EVI5: variants seen among roughly 807,000 people sequenced by gnomAD.
EVI5 encodes the protein ecotropic viral integration site 5 protein homolog.
Under a neutral mutation model 112.0 loss-of-function variants are expected in EVI5, and 73 were observed. The ratio of observed to expected loss-of-function variants is 0.65; its 90% CI spans 0.54 to 0.79. EVI5 has a LOEUF of 0.79. EVI5 is among the 30% of genes least tolerant of loss of function. EVI5 has a pLI of 0.00. For missense variants in EVI5, 900 were observed against 968.8 expected (o/e 0.93, Z 0.94); for synonymous variants, 305 against 319.9 (o/e 0.95, Z 0.50).
intron 18 of EVI5, among the ~76,000 whole-genome samples, chr1:92,595,797 C>T (rs750953431): frequency 3.3e-5 from 5 of 152,066 alleles, no homozygotes; most frequent in African/African-American, 4.8e-5. Flanking sequence ...TTGTCCCCAA[C>T]GCTAGGGGAA....
intron 13 of EVI5, among the ~76,000 whole-genome samples, chr1:92,649,596 G>A (rs1290452298): frequency 6.6e-6 from 1 of 152,066 alleles, no homozygotes; most frequent in Non-Finnish European, 1.5e-5. Context: ...CAGGCAGATC[G>A]CTTGAGTTCA....
intron 5 of EVI5, among the ~76,000 whole-genome samples, chr1:92,699,480 A>T (rs1426913910): frequency 6.6e-6 from 1 of 152,102 alleles, no homozygotes; most frequent in Non-Finnish European, 1.5e-5. Flanking sequence ...TCAACACTGA[A>T]ACCTGGCTCT....
chr1:92,518,310 A>G (rs1226524983), intron 19 of EVI5, among the ~76,000 whole-genome samples: 1 of 152,202 alleles, frequency 6.6e-6, no homozygotes, highest in Non-Finnish European at 1.5e-5. Context: ...CAGTAAAAAC[A>G]AAAAGTATTA....
intron 1 of EVI5, among the ~76,000 whole-genome samples, chr1:92,771,739 C>G (rs1683437940): frequency 6.6e-6 from 1 of 151,902 alleles, no homozygotes; most frequent in South Asian, 2.1e-4. Context: ...TCCCAAGTAG[C>G]TGGGATTACA....
chr1:92,783,795 C>A (rs1453776868), intron 1 of EVI5, among the ~76,000 whole-genome samples: 2 of 121,830 alleles, frequency 1.6e-5, no homozygotes, highest in Non-Finnish European at 3.2e-5. Flanking sequence ...GGCGACAGAG[C>A]GAGACTCCCT....
chr1:92,617,370 A>T (rs894932766), intron 16 of EVI5, among the ~76,000 whole-genome samples: 5 of 148,560 alleles, frequency 3.4e-5, no homozygotes, highest in Non-Finnish European at 7.6e-5. Flanking sequence ...AGAAATTTGG[A>T]GAAGAGGTAT....
chr1:92,678,980 C>T (rs1667180597), intron 9 of EVI5, among the ~76,000 whole-genome samples: 1 of 152,070 alleles, frequency 6.6e-6, no homozygotes, highest in South Asian at 2.1e-4. Context: ...CAGCAGTCCC[C>T]AACCCCTGGG....
intron 19 of EVI5, among the ~76,000 whole-genome samples, chr1:92,520,154 C>A (rs1660656246): frequency 6.6e-6 from 1 of 152,058 alleles, no homozygotes; most frequent in African/African-American, 2.4e-5. Flanking sequence ...TTGAATTTTA[C>A]ACTTAAAATA....
intron 13 of EVI5, among the ~76,000 whole-genome samples, chr1:92,659,079 G>A (rs1347862873): frequency 1.3e-5 from 2 of 151,662 alleles, no homozygotes; most frequent in Non-Finnish European, 2.9e-5. Flanking sequence ...ATTAACTCAA[G>A]ATGGATTAAA....
chr1:92,669,242 G>T lies in EVI5; in HGVS notation c.1159-3250C>A. On this transcript the variant is annotated intron_variant, in intron 10 of 19. Coordinates refer to ENST00000684568, the MANE Select transcript of EVI5 (RefSeq NM_001350197.2). ...TTTTATTGCCCTGGAATTTTACAAG[G>T]AATTAAATTTCACTGAATTTGAGGG... Among the ~76,000 whole-genome samples the T allele has an allele frequency of 3.3e-5, 5 of 152,032 alleles. 1 individual carries two copies. The highest frequency in any genetic ancestry group is 3.3e-4 in the Admixed American group (5 of 15,248).
intron 5 of EVI5, among the ~76,000 whole-genome samples, chr1:92,701,443 T>C (rs968975881): frequency 6.6e-6 from 1 of 152,162 alleles, no homozygotes; most frequent in Non-Finnish European, 1.5e-5. Context: ...CAGAACTGAG[T>C]TGCAAAACCA....
At chr1:92,635,364 A>G (rs1052708431) in intron 14 of EVI5, among the ~76,000 whole-genome samples, 1 of 152,112 alleles carries the variant, frequency 6.6e-6, no homozygotes, top group Non-Finnish European at 1.5e-5. Flanking sequence ...TTACCTACTC[A>G]AGCCTCGGCA....
At chr1:92,661,532 T>C (rs1258023443) in intron 13 of EVI5, among the ~76,000 whole-genome samples, 2 of 152,156 alleles carry the variant, frequency 1.3e-5, no homozygotes, top group East Asian at 3.8e-4. Flanking sequence ...AAGTAACTTA[T>C]TTCAGGTAAA....
intron 10 of EVI5, among the ~76,000 whole-genome samples, chr1:92,675,562 G>A (rs563065351): frequency 1.4e-4 from 21 of 151,898 alleles, no homozygotes; most frequent in East Asian, 1.9e-4. Flanking sequence ...TTGCAGTTCC[G>A]AATATTCGTA....
chr1:92,788,476 A>AAAAAC (rs542746642), upstream of EVI5, among the ~76,000 whole-genome samples: 608 of 147,376 alleles, frequency 4.1e-3, 12 homozygotes, highest in African/African-American at 0.014. Flanking sequence ...ACTCCATCTC[A>AAAAAC]AAAACAAAAC....
rs534045834 is a variant in EVI5 at position 92,608,710 on chromosome 1, A to C, written c.1828-983T>G. ...CAAGAAGACTCTGTCTCAGAGAAAAAAAAAGGAAAGGAAAAAAAAAAGGTA... is the reference window on the plus strand; with the variant it reads ...CAAGAAGACTCTGTCTCAGAGAAAACAAAAGGAAAGGAAAAAAAAAAGGTA... On this transcript the variant is annotated intron_variant, in intron 16 of 19. Transcript: ENST00000684568. 2.5e-4 allele frequency among the ~76,000 whole-genome samples: 10 copies of C among 39,272 alleles called. No homozygotes were observed. The South Asian group carries it at 0.014, about 54-fold the overall frequency. The allele number at this position is 39,272 out of a possible 152,430, so 25.8% of individuals were successfully genotyped here.
Position 92,661,173 on chromosome 1 carries a change from A to G in EVI5, c.1392+1546T>C, listed in dbSNP as rs546340052. 1.8e-3 allele frequency among the ~76,000 whole-genome samples: 278 copies of G among 152,216 alleles called. 1 individual carries two copies. Among genetic ancestry groups the G allele is most frequent in the African/African-American group, 6.5e-3 (271 of 41,576 alleles). On this transcript the variant is annotated intron_variant, in intron 13 of 19. Coordinates refer to ENST00000684568, the MANE Select transcript of EVI5 (RefSeq NM_001350197.2). ...TAGGGAGTGGTGGCGGTGGATGCTTATATTGGTAATTCAATACCTCCTGCT... is the reference window on the plus strand; with the variant it reads ...TAGGGAGTGGTGGCGGTGGATGCTTGTATTGGTAATTCAATACCTCCTGCT...
At chr1:92,589,779 G>A (rs1673468432) in intron 18 of EVI5, among the ~76,000 whole-genome samples, 1 of 152,182 alleles carries the variant, frequency 6.6e-6, no homozygotes, top group Non-Finnish European at 1.5e-5. Context: ...GGTTCTCCCA[G>A]CACGCAGCTT....
chr1:92,665,343 G>C (rs1387009955), intron 11 of EVI5, among the ~76,000 whole-genome samples: 1 of 152,128 alleles, frequency 6.6e-6, no homozygotes, highest in East Asian at 1.9e-4. Flanking sequence ...GACTACAAAA[G>C]ATTTTTCATC....
Sources: gnomAD v4.1 joint callset for allele counts (sites outside exome capture counted in the v4.1 genomes callset) on GRCh38, gnomAD v4.1.1 for gene constraint, MANE v1.5 for transcripts, NCBI Gene and HGNC (gene_info 2026-07-23, HGNC 2026-07-21) for gene names.